Variants in SKA3 observed in about 807,000 individuals in gnomAD.
SKA3 encodes spindle and kinetochore-associated protein 3.
Under a neutral mutation model 44.2 loss-of-function variants are expected in SKA3, and 39 were observed. The ratio of observed to expected loss-of-function variants is 0.88; its 90% CI spans 0.68 to 1.15. The LOEUF (loss-of-function observed/expected upper bound fraction) is 1.15. Ranked by LOEUF, SKA3 falls within the 50% of genes most tolerant of loss-of-function variation. The pLI, the probability that SKA3 is intolerant of heterozygous loss-of-function variation, is 0.00. For missense variants in SKA3, 511 were observed against 485.8 expected (o/e 1.05, Z -0.49); for synonymous variants, 192 against 172.0 (o/e 1.12, Z -0.91).
chr13:21,166,209 G>C (rs953954736), intron 4 of SKA3, among the ~76,000 whole-genome samples: 16 of 151,744 alleles, frequency 1.1e-4, no homozygotes, highest in African/African-American at 3.6e-4. Context: ...AGTAGAGAGG[G>C]TTTCATCCTG....
intron 1 of SKA3, among the ~76,000 whole-genome samples, chr13:21,176,090 C>T (rs561999608): frequency 6.6e-6 from 1 of 152,188 alleles, no homozygotes; most frequent in Non-Finnish European, 1.5e-5. Flanking sequence ...CTGTTTATAA[C>T]GTAATAGTGC....
chr13:21,168,806 G>A (rs2137376382), intron 3 of SKA3, among the ~76,000 whole-genome samples: 1 of 152,228 alleles, frequency 6.6e-6, no homozygotes, highest in South Asian at 2.1e-4. Flanking sequence ...GGGATTTCAG[G>A]CATGAGCCAC....
Position 21,155,113 on chromosome 13 carries a change from T to G in SKA3, c.*37A>C, listed in dbSNP as rs11147976. On this transcript the variant is annotated 3_prime_UTR_variant, in exon 9 of 9. Transcript: ENST00000314759. The stretch of plus-strand genomic sequence containing the variant: ...GGTCCAGCTCGGCTTTCATCTCATT[T>G]TGTTCAGTTTCTGTGTTGGATAGAT... 1.9e-6 allele frequency: 3 copies of G among 1,593,870 alleles called. No individual in the cohort carries two copies. Among genetic ancestry groups the G allele is most frequent in the Non-Finnish European group, 8.5e-7 (1 of 1,169,750 alleles).
chr13:21,162,943 C>A (rs935547920), intron 4 of SKA3, among the ~76,000 whole-genome samples: 13 of 152,106 alleles, frequency 8.5e-5, no homozygotes, highest in African/African-American at 3.1e-4. Context: ...AGCTACGCAG[C>A]AGGCTGAGGT....
At chr13:21,157,888 G>GT in intron 7 of SKA3, 34 bp downstream of exon 7, 1 of 554,846 alleles carries the variant, frequency 1.8e-6, no homozygotes, top group Non-Finnish European at 2.9e-6. Flanking sequence ...AAGAATATCA[G>GT]CAAAAAAAAA....
intron 5 of SKA3, among the ~76,000 whole-genome samples, 198 bp from the exon 6 acceptor site, chr13:21,160,185 T>A (rs1203712105): frequency 1.3e-5 from 2 of 152,230 alleles, no homozygotes; most frequent in East Asian, 3.9e-4. Flanking sequence ...ATTACACATA[T>A]AATTTGAAAA....
chr13:21,157,901 A>AG lies in SKA3; in HGVS notation c.1119+20_1119+21insC, dbSNP rs34732331. On this transcript the variant is annotated intron_variant, in intron 7 of 8. Transcript: ENST00000314759. ...AAAAGAATATCAGCAAAAAAAAAAA[A>AG]AAATAGCCTGGAAAAATAACCTGGA... The AG allele has an allele frequency of 1.4e-3, 2,023 of 1,470,186 alleles. 15 individuals carry two copies. In the African/African-American group the frequency reaches 0.025, roughly 18 times the overall value. 91.1% of individuals were successfully genotyped at this position (1,470,186 alleles called of 1,614,324 possible).
Position 21,159,885 on chromosome 13 carries a change from A to T in SKA3, c.915+17T>A. On this transcript the variant is annotated intron_variant, in intron 6 of 8. Transcript: ENST00000314759. ...TTTAGGAGAAAGACTGTGGCTTTCA[A>T]TTTTATGGAAAGTTACCAAAGCTAT... 5 of 1,187,848 alleles carry T rather than the reference A, an allele frequency of 4.2e-6. No homozygotes were observed. The highest frequency in any genetic ancestry group is 5.6e-6 in the Non-Finnish European group (5 of 894,736). 73.6% of individuals were successfully genotyped at this position (1,187,848 alleles called of 1,614,324 possible).
At chr13:21,175,079 C>T (rs1871381580) in intron 1 of SKA3, among the ~76,000 whole-genome samples, 1 of 151,944 alleles carries the variant, frequency 6.6e-6, no homozygotes, top group Non-Finnish European at 1.5e-5. Context: ...AGGGTTCAAG[C>T]GATTCTCCCA....
Position 21,172,619 on chromosome 13 carries a change from C to A in SKA3, c.165+1G>T. On this transcript the variant is annotated splice_donor_variant, in intron 2 of 8. Coordinates refer to ENST00000314759, the MANE Select transcript of SKA3 (RefSeq NM_145061.6). LOFTEE classifies it high-confidence loss of function. ...ATAAATCAATATTGTAGGAGTGATA[C>A]CTTTAGAGTCTGAACTTCTGAATGA... 1 of 1,582,060 alleles carries A rather than the reference C, an allele frequency of 6.3e-7. No individual in the cohort carries two copies. The highest frequency in any genetic ancestry group is 1.2e-5 in the South Asian group (1 of 86,578).
chr13:21,156,016 G>A (rs924061249), intron 7 of SKA3, among the ~76,000 whole-genome samples: 2 of 151,750 alleles, frequency 1.3e-5, no homozygotes, highest in Non-Finnish European at 1.5e-5. Context: ...GTAAAACCTC[G>A]TCTCTACTAA....
chr13:21,175,918 C>T (rs1368616597), intron 1 of SKA3, among the ~76,000 whole-genome samples: 2 of 152,062 alleles, frequency 1.3e-5, no homozygotes, highest in Admixed American at 6.6e-5. Context: ...GTGTAAAGAA[C>T]GTTAAATAGC....
In SKA3 at chr13:21,161,857, T is replaced by C. The variant is rs764341389; in HGVS notation, c.762A>G (p.Thr254=). The C allele has an allele frequency of 2.5e-6, 4 of 1,612,162 alleles. No individual in the cohort carries two copies. In the African/African-American group the frequency reaches 5.3e-5, roughly 22 times the overall value. ...AAACATTATCATTGAGCCTGGATTC[T>C]GTATCTATGGCCTCCTCACTGGTGT... is the stretch of plus-strand genomic sequence containing the variant. ...RNNKSEEAID[T]ESRLNDNVFA... The change falls in exon 5 of 9, where the codon ACA becomes ACG. Residue 254 remains threonine (T), a synonymous_variant. Coordinates refer to ENST00000314759, the MANE Select transcript of SKA3 (RefSeq NM_145061.6).
At chr13:21,172,147 T>C (rs760191040) in intron 3 of SKA3, 192 bp downstream of exon 3, 6 of 377,808 alleles carry the variant, frequency 1.6e-5, no homozygotes, top group Non-Finnish European at 2.4e-5. Context: ...AAGGACTGTT[T>C]TTATATTACA....
chr13:21,164,948 T>A (rs1595300985), intron 4 of SKA3, among the ~76,000 whole-genome samples: 1 of 152,258 alleles, frequency 6.6e-6, no homozygotes, highest in South Asian at 2.1e-4. Flanking sequence ...GTCAATTAAT[T>A]TACAAGTTTC....
In SKA3 at chr13:21,158,129, T is replaced by C. The variant is rs541061764; in HGVS notation, c.916-4A>G. 19 of 1,193,316 alleles carry C rather than the reference T, an allele frequency of 1.6e-5. No homozygotes were observed. The highest frequency in any genetic ancestry group is 7.7e-5 in the East Asian group (2 of 26,044). The allele number at this position is 1,193,316 out of a possible 1,614,324, so 73.9% of individuals were successfully genotyped here. ...ATAATGGGTAATTTGTGGATACCTA[T>C]TGAATAAAAATAGACCATTAAATTA... On this transcript the variant is annotated splice_polypyrimidine_tract_variant and splice_region_variant and intron_variant, in intron 6 of 8. Coordinates refer to ENST00000314759, the MANE Select transcript of SKA3 (RefSeq NM_145061.6).
chr13:21,168,919 A>G (rs1051040638), intron 3 of SKA3, among the ~76,000 whole-genome samples: 1 of 152,254 alleles, frequency 6.6e-6, no homozygotes, highest in South Asian at 2.1e-4. Context: ...AGAGAAGGAA[A>G]GCAAGTTAAA....
chr13:21,171,754 C>CTT (rs1871064860), intron 3 of SKA3, among the ~76,000 whole-genome samples: 3 of 152,180 alleles, frequency 2.0e-5, no homozygotes, highest in African/African-American at 7.2e-5. Context: ...AAATGAGAAA[C>CTT]TGAGGCACAA....
Position 21,159,948 on chromosome 13 carries a change from C to A in SKA3, c.869G>T (p.Cys290Phe). 6.2e-7 allele frequency: 1 copy of A among 1,608,558 alleles called. No individual in the cohort carries two copies. Among genetic ancestry groups the A allele is most frequent in the Non-Finnish European group, 8.5e-7 (1 of 1,178,004 alleles). ...AGATGGAATTTTCAAACCAGGAGTA[C>A]AGAATGTAGGTACCAAAGGAGAGTT... ...YTNSPLVPTF[C>F]TPGLKIPSTK... The change falls in exon 6 of 9, where the codon TGT becomes TTT. Residue 290 changes from cysteine to phenylalanine, a missense_variant. Transcript: ENST00000314759.
Sources: allele counts gnomAD v4.1 joint callset (sites outside exome capture counted in the v4.1 genomes callset), GRCh38; gene constraint gnomAD v4.1.1; transcripts MANE v1.5; gene names NCBI Gene and HGNC (gene_info 2026-07-23, HGNC 2026-07-21).